Variants in CARS2 observed in about 807,000 individuals in gnomAD.
CARS2 encodes probable cysteine--tRNA ligase, mitochondrial.
In CARS2, 52 loss-of-function variants were observed where a neutral mutation model predicts 68.8. That is an observed-to-expected ratio of 0.76 (90% CI 0.61 to 0.95). The LOEUF (loss-of-function observed/expected upper bound fraction) is 0.95, where lower values mean the gene tolerates loss of function less well. Among genes scored for constraint, CARS2 ranks in the 40% least tolerant of loss-of-function variants. CARS2 has a pLI of 0.00. For missense variants in CARS2, 780 were observed against 754.2 expected, an observed-to-expected ratio of 1.03 and a Z score of -0.40; for synonymous variants, 314 against 303.6, an observed-to-expected ratio of 1.03 and a Z score of -0.36.
intron 12 of CARS2, chr13:110,644,738 G>A (rs1046742277): frequency 6.3e-5 from 30 of 474,770 alleles, no homozygotes; most frequent in South Asian, 4.3e-4. Context: ...ATCAGGCTTC[G>A]CGGGTGAAGC....
intron 9 of CARS2, among the ~76,000 whole-genome samples, chr13:110,659,644 G>A (rs2062454486): frequency 6.6e-6 from 1 of 152,108 alleles, no homozygotes; most frequent in Admixed American, 6.6e-5. Flanking sequence ...TAAAAGTTAT[G>A]TTTACACTAT....
chr13:110,667,289 C>G (rs1375376096), intron 8 of CARS2, 51 bp downstream of exon 8: 1 of 1,540,438 alleles, frequency 6.5e-7, no homozygotes, highest in Admixed American at 1.8e-5. Flanking sequence ...CCGACAAAGA[C>G]AGAACTGCTA....
At chr13:110,654,504 AG>A (rs2062310211) in intron 9 of CARS2, among the ~76,000 whole-genome samples, 1 of 152,176 alleles carries the variant, frequency 6.6e-6, no homozygotes. Context: ...GGGCTAGGGT[AG>A]GTGCGAGCTA....
Position 110,665,776 on chromosome 13 carries a change from A to G in CARS2, c.919+1564T>C, listed in dbSNP as rs1594291230. On this transcript the variant is annotated intron_variant, in intron 8 of 14. Transcript: ENST00000257347. The surrounding 1 kb of genome is among the most constrained non-coding windows in gnomAD (Gnocchi z 4.3). ...GACTTCGGGGCAATCAGCCTCATCT[A>G]TTTACTTTCATGAAGAAACCCAAGT... 2.0e-6 allele frequency: 2 copies of G among 985,198 alleles called. No homozygotes were observed. Among genetic ancestry groups the G allele is most frequent in the African/African-American group, 3.5e-5 (2 of 57,186 alleles). 61.0% of individuals were successfully genotyped at this position (985,198 alleles called of 1,614,324 possible).
At chr13:110,657,293 A>G (rs972260978) in intron 9 of CARS2, among the ~76,000 whole-genome samples, 3 of 152,224 alleles carry the variant, frequency 2.0e-5, no homozygotes, top group Admixed American at 6.5e-5. Context: ...GACCCCTGAA[A>G]AAGCGTAGAC....
chr13:110,708,305 T>C (rs969271218), upstream of CARS2, among the ~76,000 whole-genome samples: 1 of 152,228 alleles, frequency 6.6e-6, no homozygotes, highest in African/African-American at 2.4e-5. Flanking sequence ...CTGATTCAGA[T>C]ATTAGATGTG....
Position 110,642,519 on chromosome 13 carries a change from G to A in CARS2, c.1419C>T (p.Tyr473=), listed in dbSNP as rs568639299. ...TVGISLANQQ[Y]VSGDGSEATL... ...TAGCCTCGCTGCCGTCTCCTGAAACGTACTGAAGCCAGCAGGGCGCGGTTA... is the reference window on the plus strand; with the variant it reads ...TAGCCTCGCTGCCGTCTCCTGAAACATACTGAAGCCAGCAGGGCGCGGTTA... Residue 473 remains tyrosine, a splice_region_variant and synonymous_variant, in exon 14 of 15, where the codon TAC becomes TAT. Coordinates refer to ENST00000257347, the MANE Select transcript of CARS2 (RefSeq NM_024537.4). The A allele has an allele frequency of 2.5e-5, 41 of 1,608,730 alleles. No individual in the cohort carries two copies. Among genetic ancestry groups the A allele is most frequent in the Admixed American group, 1.2e-4 (7 of 59,576 alleles).
In CARS2 at chr13:110,689,318, GC is replaced by G. The variant is rs909603673; in HGVS notation, c.394-1301del. Among the ~76,000 whole-genome samples, 52 of 152,202 alleles carry G rather than the reference GC, an allele frequency of 3.4e-4. 1 individual carries two copies. The highest frequency in any genetic ancestry group is 1.2e-3 in the African/African-American group (49 of 41,456). On this transcript the variant is annotated intron_variant, in intron 3 of 14. Transcript: ENST00000257347. ...TAGTCTCTCCGAGCTGCTCCACGCA[GC>G]CTCGGGAACCAAGTCTCCCCATTTC... is the stretch of plus-strand genomic sequence containing the variant.
At chr13:110,677,175 C>CGGGATGTAGGTGCAAGCACTCT in intron 6 of CARS2, 72 bp from the exon 7 acceptor site, 1 of 1,477,368 alleles carries the variant, frequency 6.8e-7, no homozygotes. Context: ...GACATTCACC[C>CGGGATGTAGGTGCAAGCACTCT]CCACCACAGA....
rs2063913187 is a variant in CARS2 at position 110,705,496 on chromosome 13, G to GA, written c.275+24dup. On this transcript the variant is annotated intron_variant, in intron 2 of 14. Transcript: ENST00000257347. The surrounding 1 kb of genome is among the most constrained non-coding windows in gnomAD (Gnocchi z 4.0). ...AAAAATAAATGGTCCTTTGAAGTAT[G>GA]AAAATTCAAATCCAGGAAACTCACC... 7.1e-6 allele frequency: 11 copies of GA among 1,554,462 alleles called. No individual in the cohort carries two copies. The African/African-American group carries it at 1.5e-4, about 21-fold the overall frequency.
chr13:110,692,614 G>A (rs764731521), intron 3 of CARS2, among the ~76,000 whole-genome samples: 1 of 144,528 alleles, frequency 6.9e-6, no homozygotes, highest in Non-Finnish European at 1.5e-5. Context: ...ATTTATCTAG[G>A]CCGGCCTGAG....
rs1566712802 is a variant in CARS2 at position 110,679,619 on chromosome 13, GAGAGA to G, written c.656-2521_656-2517del. ...AGAAAGAGAGAGAGAGAGAGAGAGA[GAGAGA>G]GGGAGGGAGGGACACCGGGCGTGAC... On this transcript the variant is annotated intron_variant, in intron 6 of 14. Coordinates refer to ENST00000257347, the MANE Select transcript of CARS2 (RefSeq NM_024537.4). 1.7e-4 allele frequency among the ~76,000 whole-genome samples: 19 copies of G among 110,418 alleles called. No individual in the cohort carries two copies. In the South Asian group the frequency reaches 5.9e-3, roughly 34 times the overall value. 72.4% of individuals were successfully genotyped at this position (110,418 alleles called of 152,430 possible). A position where few individuals can be genotyped will look rare whatever the true frequency, so the allele number is the denominator to read the frequency against.
chr13:110,693,208 G>C (rs1303316301), intron 3 of CARS2, among the ~76,000 whole-genome samples: 1 of 150,690 alleles, frequency 6.6e-6, no homozygotes, highest in Admixed American at 6.6e-5. Context: ...TCATCAGGTA[G>C]AATACACCCC....
intron 3 of CARS2, among the ~76,000 whole-genome samples, chr13:110,698,499 A>G (rs1290964328): frequency 6.6e-6 from 1 of 151,792 alleles, no homozygotes. Flanking sequence ...CAGCCTGTGC[A>G]ACAAGAGTGA....
At chr13:110,700,203 G>T (rs972084797) in intron 3 of CARS2, among the ~76,000 whole-genome samples, 3 of 152,206 alleles carry the variant, frequency 2.0e-5, no homozygotes, top group Non-Finnish European at 4.4e-5. Context: ...TACAATCCTT[G>T]ACAGTGTCAA....
At chr13:110,710,256 C>T (rs1379068971), upstream of CARS2, among the ~76,000 whole-genome samples, 2 of 152,134 alleles carry the variant, frequency 1.3e-5, no homozygotes, top group Non-Finnish European at 2.9e-5. Context: ...GCGTCCGGCA[C>T]CCGTAATCCC....
chr13:110,688,008 G>A lies in CARS2; in HGVS notation c.404C>T (p.Ser135Phe), dbSNP rs781364169. Residue 135 changes from serine (S) to phenylalanine (F), a missense_variant, in exon 4 of 15, where the codon TCC becomes TTC. Ser to Phe is a radical substitution (Grantham distance 155, BLOSUM62 -2). Coordinates refer to ENST00000257347, the MANE Select transcript of CARS2 (RefSeq NM_024537.4). ...ATAAAGACTGGCGAGGGAAGCGGGGGAAATATTCATCTGCAGAAGGATTAG... is the reference window on the plus strand; with the variant it reads ...ATAAAGACTGGCGAGGGAAGCGGGGAAAATATTCATCTGCAGAAGGATTAG... ...IIKRANEMNI[S>F]PASLASLYEE... 4.0e-5 allele frequency: 64 copies of A among 1,609,244 alleles called. No individual in the cohort carries two copies. The highest frequency in any genetic ancestry group is 5.4e-5 in the Non-Finnish European group (63 of 1,177,204).
At chr13:110,700,769 A>C (rs1461950650) in intron 3 of CARS2, among the ~76,000 whole-genome samples, 1 of 152,264 alleles carries the variant, frequency 6.6e-6, no homozygotes, top group African/African-American at 2.4e-5. Context: ...GAATACGTCC[A>C]ATCAGTGGGT....
intron 9 of CARS2, among the ~76,000 whole-genome samples, chr13:110,662,041 A>C (rs1369867691): frequency 4.6e-5 from 7 of 152,256 alleles, no homozygotes; most frequent in African/African-American, 1.7e-4. Context: ...TGCTGTTGGC[A>C]AAATTGTGCC....
Sources: gnomAD v4.1 joint callset for allele counts (sites outside exome capture counted in the v4.1 genomes callset) on GRCh38, gnomAD v4.1.1 for gene constraint, Gnocchi (gnomAD v3.1) non-coding constraint, MANE v1.5 for transcripts, NCBI Gene and HGNC (gene_info 2026-07-23, HGNC 2026-07-21) for gene names.